The following ATG7 variants were observed in gnomAD, a reference collection of about 807,000 sequenced individuals.
ATG7 encodes ubiquitin-like modifier-activating enzyme ATG7.
Under a neutral mutation model 82.4 loss-of-function variants are expected in ATG7, and 70 were observed. The observed-to-expected ratio is 0.85, with a 90% CI of 0.70 to 1.04. ATG7 has a LOEUF of 1.04. Ranked by LOEUF, ATG7 falls within the 50% of genes least tolerant of loss-of-function variation. ATG7 has a pLI of 0.00. For missense variants in ATG7, 792 were observed against 864.3 expected, an observed-to-expected ratio of 0.92 and a Z score of 1.05; for synonymous variants, 287 against 313.0, an observed-to-expected ratio of 0.92 and a Z score of 0.88.
At chr3:11,401,706 G>A (rs1056193402) in intron 19 of ATG7, among the ~76,000 whole-genome samples, 1 of 152,102 alleles carries the variant, frequency 6.6e-6, no homozygotes, top group Admixed American at 6.6e-5. Context: ...CTTCACACTG[G>A]ACTCTGGTTC....
intron 5 of ATG7, among the ~76,000 whole-genome samples, chr3:11,302,880 G>A (rs1362315629): frequency 6.6e-6 from 1 of 152,224 alleles, no homozygotes; most frequent in Non-Finnish European, 1.5e-5. Flanking sequence ...TGAATTGTCA[G>A]TCAAGTAGTA....
chr3:11,299,017 T>G, intron 4 of ATG7, 162 bp downstream of exon 4: 1 of 777,090 alleles, frequency 1.3e-6, no homozygotes, highest in Non-Finnish European at 2.0e-6. Flanking sequence ...CAGTTCATTT[T>G]CATTTATTTT....
chr3:11,277,546 C>A (rs893110902), intron 1 of ATG7: 1 of 152,180 alleles, frequency 6.6e-6, no homozygotes, highest in African/African-American at 2.4e-5. Flanking sequence ...GTGATGCCGA[C>A]CCGAGCTGCA....
chr3:11,480,055 G>A (rs754418858), intron 20 of ATG7, among the ~76,000 whole-genome samples: 12 of 152,002 alleles, frequency 7.9e-5, no homozygotes, highest in Non-Finnish European at 1.5e-4. Context: ...AGCCTCCCAA[G>A]TAGCTGGGAC....
At chr3:11,476,530 T>C (rs1480164057) in intron 20 of ATG7, among the ~76,000 whole-genome samples, 6 of 151,738 alleles carry the variant, frequency 4.0e-5, no homozygotes, top group Admixed American at 3.3e-4. Flanking sequence ...CTCCCAGAGA[T>C]AGAGTCCTGG....
intron 1 of ATG7, chr3:11,277,400 C>T (rs1194324961): frequency 6.6e-6 from 1 of 152,394 alleles, no homozygotes; most frequent in South Asian, 2.1e-4. Flanking sequence ...ATCAGGGGAA[C>T]CTGCCCCCAA....
intron 5 of ATG7, among the ~76,000 whole-genome samples, chr3:11,304,899 G>A (rs773174298): frequency 6.6e-6 from 1 of 152,118 alleles, no homozygotes; most frequent in Non-Finnish European, 1.5e-5. Flanking sequence ...AAAGGGGTAC[G>A]ATTCAGTGGT....
chr3:11,403,263 T>C (rs1184260771), intron 19 of ATG7, among the ~76,000 whole-genome samples: 1 of 151,906 alleles, frequency 6.6e-6, no homozygotes, highest in South Asian at 2.1e-4. Context: ...TCTTTTGGAG[T>C]GCGGAGAGGA....
At chr3:11,337,486 C>CTA (rs202088956) in intron 11 of ATG7, among the ~76,000 whole-genome samples, 3,205 of 139,438 alleles carry the variant, frequency 0.023, 48 homozygotes, top group Admixed American at 0.058. Context: ...CTCTCTCTCT[C>CTA]TCTATATATA....
Position 11,443,053 on chromosome 3 carries a change from A to G in ATG7, c.2079+16127A>G, listed in dbSNP as rs531194389. On this transcript the variant is annotated intron_variant, in intron 20 of 20. Transcript: ENST00000693202. ...ACAGTGGCAACTGCTTGATTAAAACATCATTTAGAAAAGACACTCTTCCCT... is the reference window on the plus strand; with the variant it reads ...ACAGTGGCAACTGCTTGATTAAAACGTCATTTAGAAAAGACACTCTTCCCT... Among the ~76,000 whole-genome samples, 38 of 152,342 alleles carry G rather than the reference A, an allele frequency of 2.5e-4. 1 individual carries two copies. Among genetic ancestry groups the G allele is most frequent in the Admixed American group, 1.9e-3 (29 of 15,294 alleles).
chr3:11,526,730 C>G (rs1008782550), intron 20 of ATG7, among the ~76,000 whole-genome samples: 1 of 152,048 alleles, frequency 6.6e-6, no homozygotes, highest in Non-Finnish European at 1.5e-5. Flanking sequence ...ATTTCTTTTT[C>G]TTGTTTTACT....
intron 5 of ATG7, among the ~76,000 whole-genome samples, chr3:11,301,836 C>T (rs1193665728): frequency 6.6e-6 from 1 of 152,156 alleles, no homozygotes; most frequent in African/African-American, 2.4e-5. Flanking sequence ...CTATCCTTAT[C>T]CTTCTACTGG....
chr3:11,475,338 T>C (rs944257202), intron 20 of ATG7, among the ~76,000 whole-genome samples: 1 of 152,084 alleles, frequency 6.6e-6, no homozygotes, highest in Admixed American at 6.6e-5. Flanking sequence ...TCACTTCTTA[T>C]AAAGGAGGAA....
chr3:11,408,881 G>T (rs1357931538), intron 19 of ATG7, among the ~76,000 whole-genome samples: 2 of 152,148 alleles, frequency 1.3e-5, no homozygotes, highest in African/African-American at 4.8e-5. Flanking sequence ...CCAAAATGCT[G>T]GGATTACAGG....
chr3:11,429,648 G>T (rs997871296), intron 20 of ATG7, among the ~76,000 whole-genome samples: 1 of 150,812 alleles, frequency 6.6e-6, no homozygotes, highest in African/African-American at 2.4e-5. Flanking sequence ...AAATTTAAAG[G>T]TATTACGAAA....
chr3:11,383,639 A>AG (rs980160641), intron 19 of ATG7, among the ~76,000 whole-genome samples: 15 of 152,266 alleles, frequency 9.9e-5, no homozygotes, highest in African/African-American at 3.4e-4. Flanking sequence ...TAGTAGAGAC[A>AG]GGGTTTCACT....
chr3:11,274,670 G>A (rs576104083), intron 1 of ATG7, among the ~76,000 whole-genome samples: 6 of 152,140 alleles, frequency 3.9e-5, no homozygotes, highest in African/African-American at 1.4e-4. Flanking sequence ...AGATAGCTGC[G>A]TACCAATATT....
At chr3:11,377,712 T>C (rs1191160211) in intron 18 of ATG7, among the ~76,000 whole-genome samples, 1 of 152,228 alleles carries the variant, frequency 6.6e-6, no homozygotes, top group African/African-American at 2.4e-5. Flanking sequence ...CTAAATGTGA[T>C]GAAGTTCTTT....
At chr3:11,424,006 C>T (rs2082156543) in intron 19 of ATG7, among the ~76,000 whole-genome samples, 1 of 152,192 alleles carries the variant, frequency 6.6e-6, no homozygotes, top group South Asian at 2.1e-4. Flanking sequence ...GCCTCAGGGT[C>T]ACCACTCTTC....
Sources: gnomAD v4.1 joint callset for allele counts (sites outside exome capture counted in the v4.1 genomes callset) on GRCh38, gnomAD v4.1.1 for gene constraint, MANE v1.5 for transcripts, NCBI Gene and HGNC (gene_info 2026-07-23, HGNC 2026-07-21) for gene names.